Variants in SPOCK1 observed in about 807,000 individuals in gnomAD.
SPOCK1 encodes the protein SPARC (osteonectin), cwcv and kazal like domains proteoglycan 1.
Under a neutral mutation model 55.3 loss-of-function variants are expected in SPOCK1, and 23 were observed. The ratio of observed to expected loss-of-function variants is 0.42; its 90% CI spans 0.30 to 0.59. The LOEUF (loss-of-function observed/expected upper bound fraction) is 0.59. SPOCK1 is among the 20% of genes least tolerant of loss of function. The pLI is 0.22. For synonymous variants in SPOCK1, 226 were observed against 221.0 expected, an observed-to-expected ratio of 1.02 and a Z score of -0.20; for missense variants, 499 against 552.5, an observed-to-expected ratio of 0.90 and a Z score of 0.97.
intron 6 of SPOCK1, among the ~76,000 whole-genome samples, chr5:137,042,774 G>C (rs1311031080): frequency 6.6e-6 from 1 of 152,100 alleles, no homozygotes; most frequent in Non-Finnish European, 1.5e-5. Flanking sequence ...ATGGTAATGA[G>C]TTGGATACAT....
chr5:137,111,868 T>G (rs1351812030), intron 5 of SPOCK1, among the ~76,000 whole-genome samples: 1 of 152,168 alleles, frequency 6.6e-6, no homozygotes, highest in African/African-American at 2.4e-5. Context: ...ACAATTTTCT[T>G]GTTGTTGGTT....
chr5:137,435,783 T>C (rs1184516092), intron 2 of SPOCK1, among the ~76,000 whole-genome samples: 1 of 150,218 alleles, frequency 6.7e-6, no homozygotes, highest in East Asian at 1.9e-4. Flanking sequence ...AATGCTTTGT[T>C]GCATGTGTTT....
chr5:137,257,320 T>C (rs1052790795), intron 3 of SPOCK1, among the ~76,000 whole-genome samples: 14 of 152,244 alleles, frequency 9.2e-5, no homozygotes, highest in African/African-American at 3.4e-4. Context: ...GTTGAAATCC[T>C]TTCTCCAATG....
chr5:137,217,364 T>A (rs1227233563), intron 3 of SPOCK1, among the ~76,000 whole-genome samples: 2 of 152,132 alleles, frequency 1.3e-5, no homozygotes, highest in African/African-American at 2.4e-5. Context: ...GAGACAGAGT[T>A]CAAGAATGTG....
intron 2 of SPOCK1, among the ~76,000 whole-genome samples, chr5:137,327,977 C>T (rs576498946): frequency 6.6e-6 from 1 of 152,174 alleles, no homozygotes; most frequent in Admixed American, 6.5e-5. Context: ...GATCACACTG[C>T]GGAATTAACC....
chr5:137,253,388 T>C (rs1032625558), intron 3 of SPOCK1, among the ~76,000 whole-genome samples: 8 of 152,224 alleles, frequency 5.3e-5, no homozygotes, highest in African/African-American at 1.9e-4. Flanking sequence ...TTAGATATTC[T>C]TGCAAAGCTG....
intron 6 of SPOCK1, among the ~76,000 whole-genome samples, chr5:137,041,579 T>G (rs548754524): frequency 6.6e-6 from 1 of 152,314 alleles, no homozygotes; most frequent in South Asian, 2.1e-4. Context: ...GATAAAAGAC[T>G]TGTATCCAAA....
At chr5:137,285,941 C>G (rs570382234) in intron 2 of SPOCK1, among the ~76,000 whole-genome samples, 4 of 152,258 alleles carry the variant, frequency 2.6e-5, no homozygotes, top group African/African-American at 9.6e-5. Context: ...CATATACAGA[C>G]TCTGTCACAC....
chr5:137,112,323 G>A, intron 5 of SPOCK1, 112 bp downstream of exon 5: 1 of 1,367,496 alleles, frequency 7.3e-7, no homozygotes, highest in Non-Finnish European at 9.9e-7. Flanking sequence ...GCTTCTCAAG[G>A]GCAAGGCCTG....
At chr5:137,226,377 C>G (rs539722600) in intron 3 of SPOCK1, among the ~76,000 whole-genome samples, 12 of 152,336 alleles carry the variant, frequency 7.9e-5, no homozygotes, top group African/African-American at 2.6e-4. Flanking sequence ...GCTTGATCTC[C>G]TTGCCCCGAG....
intron 3 of SPOCK1, among the ~76,000 whole-genome samples, chr5:137,187,507 A>C (rs1429822796): frequency 6.6e-6 from 1 of 152,070 alleles, no homozygotes; most frequent in African/African-American, 2.4e-5. Flanking sequence ...ATAATTTCTC[A>C]TCTATAGCAA....
chr5:137,380,221 A>G (rs1580894748), intron 2 of SPOCK1, among the ~76,000 whole-genome samples: 2 of 152,266 alleles, frequency 1.3e-5, no homozygotes, highest in Non-Finnish European at 2.9e-5. Flanking sequence ...CGGCCGGGGG[A>G]AAGGTGATGT....
At chr5:137,420,257 C>G (rs9716996) in intron 2 of SPOCK1, among the ~76,000 whole-genome samples, 8,599 of 152,108 alleles carry the variant, frequency 0.057, 540 homozygotes, top group African/African-American at 0.16. Context: ...CTAAAATTCT[C>G]TTTTTTTGTT....
intron 2 of SPOCK1, among the ~76,000 whole-genome samples, chr5:137,302,384 A>G (rs965442136): frequency 1.3e-5 from 2 of 148,294 alleles, no homozygotes; most frequent in African/African-American, 2.5e-5. Flanking sequence ...CCTGGCCAAC[A>G]CAGTGAAACC....
At chr5:137,425,280 T>C (rs960397902) in intron 2 of SPOCK1, among the ~76,000 whole-genome samples, 1 of 152,150 alleles carries the variant, frequency 6.6e-6, no homozygotes, top group Non-Finnish European at 1.5e-5. Context: ...CCATAAAGCA[T>C]TGGTATGGCA....
intron 2 of SPOCK1, among the ~76,000 whole-genome samples, chr5:137,342,185 A>G (rs1750446517): frequency 6.6e-6 from 1 of 152,228 alleles, no homozygotes; most frequent in Non-Finnish European, 1.5e-5. Context: ...AGTTAGACCT[A>G]CTGTGGAGAT....
intron 2 of SPOCK1, among the ~76,000 whole-genome samples, chr5:137,446,491 G>A (rs1753130925): frequency 6.6e-6 from 1 of 152,290 alleles, no homozygotes; most frequent in South Asian, 2.1e-4. Flanking sequence ...ACAGGTGAGA[G>A]ATCCCAGAAC....
chr5:136,985,490 G>A (rs1580693978), intron 8 of SPOCK1, among the ~76,000 whole-genome samples: 1 of 151,842 alleles, frequency 6.6e-6, no homozygotes, highest in East Asian at 1.9e-4. Flanking sequence ...AATAGGTGGT[G>A]TAATGGACTT....
At chr5:137,179,224 T>C (rs1394383118) in intron 3 of SPOCK1, among the ~76,000 whole-genome samples, 3 of 152,200 alleles carry the variant, frequency 2.0e-5, no homozygotes, top group Non-Finnish European at 4.4e-5. Flanking sequence ...TTTCTACCCA[T>C]ATCCAGTGAA....
Sources: gnomAD v4.1 joint callset for allele counts (sites outside exome capture counted in the v4.1 genomes callset) on GRCh38, gnomAD v4.1.1 for gene constraint, MANE v1.5 for transcripts, NCBI Gene and HGNC (gene_info 2026-07-23, HGNC 2026-07-21) for gene names.